COL15A1: variants seen among roughly 807,000 people sequenced by gnomAD.
COL15A1 encodes the protein collagen type XV alpha 1 chain.
Under a neutral mutation model 165.9 loss-of-function variants are expected in COL15A1, and 111 were observed. That is an observed-to-expected ratio of 0.67 (90% confidence interval 0.57 to 0.78). COL15A1 has a LOEUF of 0.78. Ranked by LOEUF, COL15A1 falls within the 30% of genes least tolerant of loss-of-function variation. COL15A1 has a pLI of 0.00. For missense variants in COL15A1, 1,745 were observed against 1,789.7 expected, an observed-to-expected ratio of 0.98 and a Z score of 0.45; for synonymous variants, 659 against 674.8, an observed-to-expected ratio of 0.98 and a Z score of 0.36.
intron 13 of COL15A1, 67 bp from the exon 14 acceptor site, chr9:99,023,290 C>T: frequency 6.6e-7 from 1 of 1,514,324 alleles, no homozygotes; most frequent in Non-Finnish European, 8.9e-7. Flanking sequence ...GGAGAAAACT[C>T]AGTGACGTGG....
chr9:98,981,548 A>T (rs1167327345), intron 2 of COL15A1, among the ~76,000 whole-genome samples: 1 of 152,244 alleles, frequency 6.6e-6, no homozygotes, highest in Non-Finnish European at 1.5e-5. Flanking sequence ...AAATAAAAGC[A>T]AGTTTCAGAA....
intron 2 of COL15A1, among the ~76,000 whole-genome samples, chr9:98,967,314 C>T (rs138994032): frequency 6.6e-6 from 1 of 152,222 alleles, no homozygotes; most frequent in Non-Finnish European, 1.5e-5. Flanking sequence ...CTTCTCTGTA[C>T]TGACTTTCCC....
chr9:99,024,277 G>GTTTTTTTTTTTTTT (rs773196929), intron 14 of COL15A1, among the ~76,000 whole-genome samples: 7 of 108,644 alleles, frequency 6.4e-5, no homozygotes, highest in African/African-American at 1.8e-4. Flanking sequence ...AGTTTTTTTT[G>GTTTTTTTTTTTTTT]TTTTTTTGTT....
intron 10 of COL15A1, 91 bp from the exon 11 acceptor site, chr9:99,015,885 C>T: frequency 6.7e-7 from 1 of 1,487,036 alleles, no homozygotes; most frequent in Non-Finnish European, 9.2e-7. Context: ...TGCTTTGAAA[C>T]TGGGCTGGCA....
At chr9:98,997,183 T>C in intron 6 of COL15A1, 102 bp downstream of exon 6, 3 of 1,400,948 alleles carry the variant, frequency 2.1e-6, no homozygotes, top group Non-Finnish European at 3.0e-6. Context: ...CATTTAACCT[T>C]CCCCTCAACC....
rs148264658 is a variant in COL15A1, at chr9:99,015,310, G to A, written c.1354-107G>A. 4.4e-4 allele frequency: 327 copies of A among 738,048 alleles called. 1 individual carries two copies. Among genetic ancestry groups the A allele is most frequent in the Non-Finnish European group, 6.0e-4 (249 of 415,414 alleles). The allele number at this position is 738,048 out of a possible 1,614,324, so 45.7% of individuals were successfully genotyped here. On this transcript the variant is annotated intron_variant, in intron 9 of 41. Coordinates refer to ENST00000375001, the MANE Select transcript of COL15A1 (RefSeq NM_001855.5). Reference sequence around the variant, plus strand: ...GGAGCAAAGGAAAGGGAATCATGGAGCCTCCAGTTATCTGAGGCTTTAGCG... The same window carrying A: ...GGAGCAAAGGAAAGGGAATCATGGAACCTCCAGTTATCTGAGGCTTTAGCG...
At position 99,047,783 on chromosome 9, in the gene COL15A1, T is replaced by C. The variant is rs1421905728; in HGVS notation, c.2680-3T>C. 3 of 1,614,110 alleles carry C rather than the reference T, an allele frequency of 1.9e-6. No homozygotes were observed. The highest frequency in any genetic ancestry group is 2.5e-6 in the Non-Finnish European group (3 of 1,179,966). The stretch of plus-strand genomic sequence containing the variant: ...TCTAATCTGGCATTTGTTTTGCCTC[T>C]AGGGGCCCAAAGGACCACCAGGACA... On this transcript the variant is annotated splice_region_variant and splice_polypyrimidine_tract_variant and intron_variant, in intron 26 of 41. Transcript: ENST00000375001.
At chr9:98,985,456 C>T in intron 2 of COL15A1, 109 bp from the exon 3 acceptor site, 1 of 1,080,808 alleles carries the variant, frequency 9.3e-7, no homozygotes, top group Non-Finnish European at 1.3e-6. Flanking sequence ...ACTACAGTTT[C>T]AGTGGGGTTC....
chr9:98,991,971 G>C (rs1256307347), intron 5 of COL15A1, among the ~76,000 whole-genome samples: 5 of 152,226 alleles, frequency 3.3e-5, no homozygotes, highest in African/African-American at 1.2e-4. Context: ...TAGACACAGG[G>C]TGCTGATTGG....
At chr9:99,002,153 C>T (rs1427223008) in intron 7 of COL15A1, among the ~76,000 whole-genome samples, 3 of 144,704 alleles carry the variant, frequency 2.1e-5, no homozygotes, top group Non-Finnish European at 4.5e-5. Flanking sequence ...CCTCTCCTCT[C>T]CTCTCCTCTC....
In COL15A1 at chr9:99,000,960, A is replaced by T; in HGVS notation, c.1065+9A>T. The T allele has an allele frequency of 7.9e-7, 1 of 1,271,168 alleles. No individual in the cohort carries two copies. The highest frequency in any genetic ancestry group is 1.2e-6 in the Non-Finnish European group (1 of 866,658). 78.7% of individuals were successfully genotyped at this position (1,271,168 alleles called of 1,614,324 possible). ...ACATTGCTGAAGAAAAGGTGAGTAG[A>T]TGGTAAATTTCATTTGATTAGTCAG... On this transcript the variant is annotated intron_variant, in intron 7 of 41. Coordinates refer to ENST00000375001, the MANE Select transcript of COL15A1 (RefSeq NM_001855.5).
chr9:98,968,472 T>G (rs1837992141), intron 2 of COL15A1, among the ~76,000 whole-genome samples: 1 of 152,186 alleles, frequency 6.6e-6, no homozygotes, highest in Admixed American at 6.5e-5. Flanking sequence ...CCTTGGCTTG[T>G]GTCCACTTCA....
intron 35 of COL15A1, 35 bp downstream of exon 35, chr9:99,056,439 T>C (rs1454681341): frequency 1.3e-6 from 2 of 1,565,610 alleles, no homozygotes; most frequent in Non-Finnish European, 1.7e-6. Context: ...GTTCATGCTG[T>C]CCCTACCATT....
chr9:99,015,840 T>C, intron 10 of COL15A1, 136 bp from the exon 11 acceptor site: 1 of 1,044,812 alleles, frequency 9.6e-7, no homozygotes, highest in Non-Finnish European at 1.4e-6. Flanking sequence ...TCAGAAGGGG[T>C]GTGCTGGGGG....
At position 98,950,688 on chromosome 9, in the gene COL15A1, C is replaced by T. The variant is rs1837672821; in HGVS notation, c.100+6438C>T. 1.3e-5 allele frequency among the ~76,000 whole-genome samples: 2 copies of T among 150,754 alleles called. 1 individual carries two copies. The highest frequency in any genetic ancestry group is 3.0e-5 in the Non-Finnish European group (2 of 67,778). Reference sequence around the variant, plus strand: ...AGTTGGTGGCCGGCCCATCTTGGCTCACTGCAACCTCCACCTCCCAGGTTC... The same window carrying T: ...AGTTGGTGGCCGGCCCATCTTGGCTTACTGCAACCTCCACCTCCCAGGTTC... On this transcript the variant is annotated intron_variant, in intron 2 of 41. Coordinates refer to ENST00000375001, the MANE Select transcript of COL15A1 (RefSeq NM_001855.5).
intron 13 of COL15A1, 65 bp downstream of exon 13, chr9:99,022,215 C>T: frequency 6.2e-7 from 1 of 1,606,600 alleles, no homozygotes; most frequent in Non-Finnish European, 8.5e-7. Context: ...CCAAAACAGC[C>T]ACAGGCTGAG....
chr9:98,988,815 C>T (rs556059197), intron 4 of COL15A1, among the ~76,000 whole-genome samples: 4 of 151,942 alleles, frequency 2.6e-5, no homozygotes, highest in South Asian at 4.2e-4. Context: ...CCCAGCTACT[C>T]GTGAGGCTGC....
intron 40 of COL15A1, among the ~76,000 whole-genome samples, chr9:99,068,194 G>GGTGCCAT (rs1293972740): frequency 2.6e-5 from 4 of 152,158 alleles, no homozygotes; most frequent in Non-Finnish European, 5.9e-5. Flanking sequence ...GGCCAAGTGT[G>GGTGCCAT]GTGGTGCATG....
In COL15A1 at chr9:99,054,316, A is replaced by G. The variant is rs145524338; in HGVS notation, c.2951-260A>G. Among the ~76,000 whole-genome samples, 1,143 of 152,298 alleles carry G rather than the reference A, an allele frequency of 7.5e-3. 13 individuals are homozygous for G. The highest frequency in any genetic ancestry group is 0.026 in the African/African-American group (1,096 of 41,556). ...GGGATGCGCTGCTGGAACCTCAGTGAGAGCACATATTTCATCTTGCCTTGC... is the reference window on the plus strand; with the variant it reads ...GGGATGCGCTGCTGGAACCTCAGTGGGAGCACATATTTCATCTTGCCTTGC... On this transcript the variant is annotated intron_variant, in intron 31 of 41. Transcript: ENST00000375001.
Sources: gnomAD v4.1 joint callset for allele counts (sites outside exome capture counted in the v4.1 genomes callset) on GRCh38, gnomAD v4.1.1 for gene constraint, MANE v1.5 for transcripts, NCBI Gene and HGNC (gene_info 2026-07-23, HGNC 2026-07-21) for gene names.